The following MAML1 variants were observed in gnomAD, a reference collection of about 807,000 sequenced individuals.
MAML1 encodes mastermind like transcriptional coactivator 1.
Under a neutral mutation model 77.1 loss-of-function variants are expected in MAML1, and 14 were observed. The observed-to-expected ratio is 0.18, with a 90% CI of 0.12 to 0.28. The LOEUF (loss-of-function observed/expected upper bound fraction) is 0.28, where lower values mean the gene tolerates loss of function less well. Among genes scored for constraint, MAML1 ranks in the 10% least tolerant of loss-of-function variants. MAML1 has a pLI of 1.00. For synonymous variants in MAML1, 516 were observed against 551.9 expected (o/e 0.93, Z 0.91); for missense variants, 1,217 against 1,327.8 (o/e 0.92, Z 1.30).
rs141021248 is a variant in MAML1 at position 179,773,179 on chromosome 5, G to A, written c.2069-716G>A. Among the ~76,000 whole-genome samples the A allele has an allele frequency of 1.4e-4, 22 of 152,228 alleles. No homozygotes were observed. The East Asian group carries it at 3.1e-3, about 21-fold the overall frequency. ...ATTACAGGCGTGAACCACCGCGCCCGGCCACAACCCCGTTCTTCACACGCC... is the reference window on the plus strand; with the variant it reads ...ATTACAGGCGTGAACCACCGCGCCCAGCCACAACCCCGTTCTTCACACGCC... On this transcript the variant is annotated intron_variant, in intron 4 of 4. Transcript: ENST00000292599.
In MAML1 at chr5:179,776,112, T is replaced by C; in HGVS notation, c.*1235T>C. The C allele has an allele frequency of 1.0e-6, 1 of 985,952 alleles. No homozygotes were observed. Among genetic ancestry groups the C allele is most frequent in the Non-Finnish European group, 1.2e-6 (1 of 829,952 alleles). The allele number at this position is 985,952 out of a possible 1,614,324, so 61.1% of individuals were successfully genotyped here. On this transcript the variant is annotated 3_prime_UTR_variant, in exon 5 of 5. Coordinates refer to ENST00000292599, the MANE Select transcript of MAML1 (RefSeq NM_014757.5). ...TAGAATATGACATGTGAGCTGTTTT[T>C]GGAAAACGAAGATGGAGAGAGCACT... is the stretch of plus-strand genomic sequence containing the variant.
At chr5:179,750,499 C>T (rs1056806169) in intron 1 of MAML1, among the ~76,000 whole-genome samples, 1 of 152,096 alleles carries the variant, frequency 6.6e-6, no homozygotes, top group Non-Finnish European at 1.5e-5. Context: ...GGTCTCTTGA[C>T]TCCCAGGCAG....
chr5:179,776,668 C>G lies in MAML1; in HGVS notation c.*1791C>G. ...AATCGGCTGAAGGCTGGTTGTGGAT[C>G]CTTGTTCCTCTCCTGACCCCATCTG... is the stretch of plus-strand genomic sequence containing the variant. On this transcript the variant is annotated 3_prime_UTR_variant, in exon 5 of 5. Coordinates refer to ENST00000292599, the MANE Select transcript of MAML1 (RefSeq NM_014757.5). 1 of 985,806 alleles carries G rather than the reference C, an allele frequency of 1.0e-6. No individual in the cohort carries two copies. The highest frequency in any genetic ancestry group is 1.2e-6 in the Non-Finnish European group (1 of 829,986). The allele number at this position is 985,806 out of a possible 1,614,324, so 61.1% of individuals were successfully genotyped here.
intron 1 of MAML1, among the ~76,000 whole-genome samples, chr5:179,753,658 T>A (rs1285778184): frequency 7.7e-6 from 1 of 129,544 alleles, no homozygotes; most frequent in African/African-American, 2.8e-5. Flanking sequence ...ATTATTATTT[T>A]TTTTTTTTTT....
chr5:179,752,325 C>CAAAAA (rs1177449054), intron 1 of MAML1, among the ~76,000 whole-genome samples: 2 of 53,676 alleles, frequency 3.7e-5, no homozygotes, highest in African/African-American at 5.7e-5. Context: ...ACTCTGTCTC[C>CAAAAA]AAAAAAAAAA....
chr5:179,774,796 C>T lies in MAML1; in HGVS notation c.2970C>T (p.Thr990=). 1.2e-6 allele frequency: 2 copies of T among 1,613,904 alleles called. No individual in the cohort carries two copies. Among genetic ancestry groups the T allele is most frequent in the South Asian group, 2.2e-5 (2 of 91,086 alleles). ...GSGLSSVAGH[T]DLIDSLLKNR... Reference sequence around the variant, plus strand: ...GGCTCTCTAGTGTGGCTGGACACACCGATCTGATCGACTCCCTGCTGAAGA... The same window carrying T: ...GGCTCTCTAGTGTGGCTGGACACACTGATCTGATCGACTCCCTGCTGAAGA... Residue 990 remains threonine, a synonymous_variant, in exon 5 of 5, where the codon ACC becomes ACT. Coordinates refer to ENST00000292599, the MANE Select transcript of MAML1 (RefSeq NM_014757.5).
Position 179,765,353 on chromosome 5 carries a change from C to A in MAML1, c.343C>A (p.Leu115Ile). 6.2e-7 allele frequency: 1 copy of A among 1,606,822 alleles called. No individual in the cohort carries two copies. Residue 115 changes from leucine (L) to isoleucine (I), a missense_variant, in exon 2 of 5, where the codon CTT (leucine) becomes ATT (isoleucine). Physicochemically the swap from Leu to Ile is conservative, Grantham distance 5. Coordinates refer to ENST00000292599, the MANE Select transcript of MAML1 (RefSeq NM_014757.5). ...THLHDTVKRN[L>I]DSATSPQNGD... ...TCTTCATGATACAGTTAAGAGGAATCTTGACAGCGCCACTTCCCCTCAGAA... is the reference window on the plus strand; with the variant it reads ...TCTTCATGATACAGTTAAGAGGAATATTGACAGCGCCACTTCCCCTCAGAA...
At chr5:179,760,110 CAG>C (rs567798856) in intron 1 of MAML1, among the ~76,000 whole-genome samples, 36 of 152,230 alleles carry the variant, frequency 2.4e-4, no homozygotes, top group African/African-American at 7.2e-4. Flanking sequence ...CTCAAGTGGA[CAG>C]GGGCTCAGTA....
intron 1 of MAML1, among the ~76,000 whole-genome samples, chr5:179,755,884 C>T (rs538641798): frequency 8.6e-5 from 13 of 151,804 alleles, no homozygotes; most frequent in Non-Finnish European, 1.6e-4. Context: ...CCTCCTTCAG[C>T]CTCCCGAGTA....
rs59680995 is a variant in MAML1, at chr5:179,753,184, A to AGTGTGT, written c.316-12108_316-12103dup. Among the ~76,000 whole-genome samples, 411 of 120,566 alleles carry AGTGTGT rather than the reference A, an allele frequency of 3.4e-3. 1 individual carries two copies. The highest frequency in any genetic ancestry group is 0.01 in the African/African-American group (365 of 35,294). 79.1% of individuals were successfully genotyped at this position (120,566 alleles called of 152,430 possible). ...ACCTAAATCCTAGATGCTATTTTTT[A>AGTGTGT]GTGTGTGTGTGTGTGTGTGTGTGTG... On this transcript the variant is annotated intron_variant, in intron 1 of 4. Transcript: ENST00000292599.
At chr5:179,752,350 A>AATATATATATATATATATATATATAT (rs1554150145) in intron 1 of MAML1, among the ~76,000 whole-genome samples, 17 of 66,704 alleles carry the variant, frequency 2.5e-4, no homozygotes, top group South Asian at 4.4e-4. Context: ...AAAAAAAAAA[A>AATATATATATATATATATATATATAT]ATATATATAT....
chr5:179,749,027 A>T (rs771680880), intron 1 of MAML1, among the ~76,000 whole-genome samples: 1 of 151,388 alleles, frequency 6.6e-6, no homozygotes, highest in Non-Finnish European at 1.5e-5. Flanking sequence ...ATTCAGTGGC[A>T]TGATCTTGGC....
chr5:179,736,445 G>T (rs1779173025), intron 1 of MAML1, among the ~76,000 whole-genome samples: 1 of 151,752 alleles, frequency 6.6e-6, no homozygotes, highest in Non-Finnish European at 1.5e-5. Context: ...TAGAGACGGG[G>T]TTTCACCATG....
At position 179,765,961 on chromosome 5, in the gene MAML1, G is replaced by C. The variant is rs1410673947; in HGVS notation, c.951G>C (p.Val317=). 1 of 1,614,060 alleles carries C rather than the reference G, an allele frequency of 6.2e-7. No homozygotes were observed. The highest frequency in any genetic ancestry group is 1.7e-5 in the Admixed American group (1 of 60,008). ...AAGAACAGTTAGGCTCTCCACAAGT[G>C]AGGGCCGGGTCTGCAGGGCAGACCT... ...FEQEQLGSPQ[V]RAGSAGQTFL... Residue 317 remains valine, a synonymous_variant, in exon 2 of 5, where the codon GTG becomes GTC. Transcript: ENST00000292599.
intron 1 of MAML1, among the ~76,000 whole-genome samples, chr5:179,751,664 C>T (rs1284955969): frequency 6.6e-6 from 1 of 151,984 alleles, no homozygotes; most frequent in Non-Finnish European, 1.5e-5. Context: ...AAGATCATGC[C>T]ACTGCACTCC....
At chr5:179,754,992 A>G (rs1779583038) in intron 1 of MAML1, among the ~76,000 whole-genome samples, 1 of 152,204 alleles carries the variant, frequency 6.6e-6, no homozygotes, top group African/African-American at 2.4e-5. Context: ...AGAGAGAAAG[A>G]AAAGAGTTGA....
At chr5:179,752,147 G>A (rs1353585082) in intron 1 of MAML1, among the ~76,000 whole-genome samples, 4 of 151,600 alleles carry the variant, frequency 2.6e-5, no homozygotes, top group East Asian at 1.9e-4. Context: ...CCAACATAGC[G>A]AAACCCCCTC....
intron 2 of MAML1, among the ~76,000 whole-genome samples, chr5:179,767,503 C>T (rs1257880550): frequency 6.7e-6 from 1 of 149,952 alleles, no homozygotes; most frequent in East Asian, 2.0e-4. Flanking sequence ...ACACTATATA[C>T]CCGACAAGTT....
chr5:179,746,851 A>G (rs1354746243), intron 1 of MAML1, among the ~76,000 whole-genome samples: 3 of 152,266 alleles, frequency 2.0e-5, no homozygotes, highest in Non-Finnish European at 4.4e-5. Context: ...CTTCACTCTC[A>G]GTGAGAAATA....
Sources: allele counts gnomAD v4.1 joint callset (sites outside exome capture counted in the v4.1 genomes callset), GRCh38; gene constraint gnomAD v4.1.1; transcripts MANE v1.5; gene names NCBI Gene and HGNC (gene_info 2026-07-23, HGNC 2026-07-21).